SEC22A: variants seen among roughly 807,000 people sequenced by gnomAD.
SEC22A encodes SEC22 homolog A, vesicle trafficking protein, also known as vesicle-trafficking protein SEC22a.
In SEC22A, 22 loss-of-function variants were observed where a neutral mutation model predicts 35.3. That is an observed-to-expected ratio of 0.62 (90% confidence interval 0.45 to 0.89). The LOEUF (loss-of-function observed/expected upper bound fraction) is 0.89. Among genes scored for constraint, SEC22A ranks in the 40% least tolerant of loss-of-function variants. SEC22A has a pLI of 0.00. For synonymous variants in SEC22A, 119 were observed against 129.5 expected (o/e 0.92, Z 0.55); for missense variants, 354 against 362.5 (o/e 0.98, Z 0.19).
At chr3:123,255,192 G>A (rs1937699513) in intron 5 of SEC22A, among the ~76,000 whole-genome samples, 1 of 152,144 alleles carries the variant, frequency 6.6e-6, no homozygotes, top group Non-Finnish European at 1.5e-5. Flanking sequence ...ACAAGTCACT[G>A]TTAATAGTTT....
At chr3:123,261,665 T>C (rs906804475) in intron 6 of SEC22A, among the ~76,000 whole-genome samples, 1 of 152,244 alleles carries the variant, frequency 6.6e-6, no homozygotes, top group Non-Finnish European at 1.5e-5. Flanking sequence ...TGCTTAGTAA[T>C]AATGGCAGAA....
chr3:123,210,787 C>T (rs765327382), intron 2 of SEC22A, among the ~76,000 whole-genome samples: 5 of 152,154 alleles, frequency 3.3e-5, no homozygotes, highest in Admixed American at 2.0e-4. Context: ...CAGAGGGCTT[C>T]GTTGTTGAGA....
intron 3 of SEC22A, 72 bp downstream of exon 3, chr3:123,223,794 G>A: frequency 2.9e-6 from 3 of 1,029,186 alleles, no homozygotes; most frequent in Non-Finnish European, 2.8e-6. Flanking sequence ...ATCTAATATT[G>A]GGTGGAGGGG....
chr3:123,226,412 G>T (rs928551228), intron 4 of SEC22A, among the ~76,000 whole-genome samples: 1 of 152,086 alleles, frequency 6.6e-6, no homozygotes, highest in Non-Finnish European at 1.5e-5. Flanking sequence ...ATGATGTCTC[G>T]TTGTAGTTTT....
intron 3 of SEC22A, among the ~76,000 whole-genome samples, chr3:123,224,111 C>T (rs936806865): frequency 1.3e-5 from 2 of 152,136 alleles, no homozygotes; most frequent in Admixed American, 6.5e-5. Context: ...CATATAGTCC[C>T]TGTCACAACT....
intron 2 of SEC22A, among the ~76,000 whole-genome samples, chr3:123,213,265 T>C (rs1358031024): frequency 6.6e-6 from 1 of 152,218 alleles, no homozygotes. Flanking sequence ...TGTTACCTTA[T>C]ATGACATTGA....
At chr3:123,225,395 A>G in intron 4 of SEC22A, 98 bp downstream of exon 4, 1 of 701,814 alleles carries the variant, frequency 1.4e-6, no homozygotes. Context: ...ATTTTAAATC[A>G]AGTACATGAG....
At chr3:123,232,830 A>G (rs1035280955) in intron 4 of SEC22A, among the ~76,000 whole-genome samples, 1 of 152,162 alleles carries the variant, frequency 6.6e-6, no homozygotes, top group Admixed American at 6.5e-5. Context: ...AACCCAATCC[A>G]GCAACGTATT....
intron 5 of SEC22A, among the ~76,000 whole-genome samples, chr3:123,257,425 G>A (rs956231070): frequency 7.9e-5 from 12 of 152,144 alleles, no homozygotes; most frequent in Admixed American, 3.9e-4. Context: ...GGCCAGGCAC[G>A]GTGGCTCACG....
rs568993366 is a variant in SEC22A at position 123,272,039 on chromosome 3, A to C, written c.*317A>C. Reference sequence around the variant, plus strand: ...CCTTCCTGAAGAGTTCAGAAAATAGATGTGGTATTGCTCTGAGGACCAGGC... The same window carrying C: ...CCTTCCTGAAGAGTTCAGAAAATAGCTGTGGTATTGCTCTGAGGACCAGGC... On this transcript the variant is annotated 3_prime_UTR_variant, in exon 7 of 7. Transcript: ENST00000492595. The C allele has an allele frequency of 3.1e-6, 1 of 321,188 alleles. No individual in the cohort carries two copies. Among genetic ancestry groups the C allele is most frequent in the Non-Finnish European group, 5.8e-6 (1 of 173,144 alleles). 19.9% of individuals were successfully genotyped at this position (321,188 alleles called of 1,614,324 possible).
intron 4 of SEC22A, among the ~76,000 whole-genome samples, chr3:123,240,757 C>G (rs1338994442): frequency 2.0e-5 from 3 of 152,034 alleles, no homozygotes; most frequent in Non-Finnish European, 4.4e-5. Context: ...TTTGATTACT[C>G]AACATCTTCA....
intron 4 of SEC22A, among the ~76,000 whole-genome samples, chr3:123,234,975 A>T (rs1390975818): frequency 6.6e-6 from 1 of 151,734 alleles, no homozygotes; most frequent in Admixed American, 6.6e-5. Flanking sequence ...GTGAGCTGAG[A>T]TCGTGCCACT....
chr3:123,226,728 A>G (rs537612820), intron 4 of SEC22A, among the ~76,000 whole-genome samples: 9 of 152,148 alleles, frequency 5.9e-5, no homozygotes, highest in South Asian at 2.1e-4. Flanking sequence ...ATATAATGCA[A>G]TTTGTCCACT....
chr3:123,234,771 C>T (rs1937386735), intron 4 of SEC22A, among the ~76,000 whole-genome samples: 1 of 152,046 alleles, frequency 6.6e-6, no homozygotes, highest in Admixed American at 6.6e-5. Context: ...GCCTGTAATC[C>T]CAGCACTTTG....
intron 5 of SEC22A, among the ~76,000 whole-genome samples, chr3:123,248,583 A>G (rs1467944387): frequency 6.6e-6 from 1 of 152,266 alleles, no homozygotes; most frequent in Non-Finnish European, 1.5e-5. Flanking sequence ...AAATCAAAGA[A>G]GATCTAAATA....
chr3:123,220,156 G>C (rs780242610), intron 2 of SEC22A, among the ~76,000 whole-genome samples: 2 of 152,178 alleles, frequency 1.3e-5, no homozygotes, highest in African/African-American at 4.8e-5. Context: ...GGGATAAACT[G>C]TCATGTAGGT....
chr3:123,205,444 T>G (rs1021571024), intron 1 of SEC22A, among the ~76,000 whole-genome samples: 5 of 152,152 alleles, frequency 3.3e-5, no homozygotes, highest in Non-Finnish European at 1.5e-5. Context: ...ATCCCAGCAC[T>G]TTGTGAGGCC....
At position 123,271,876 on chromosome 3, in the gene SEC22A, TG is replaced by T; in HGVS notation, c.*155del. ...TTTTAAAATCAGCATGATGTGCCTGTGAGCATGGAAGAGTCCTCTCAGAAGA... is the reference window on the plus strand; with the variant it reads ...TTTTAAAATCAGCATGATGTGCCTGTAGCATGGAAGAGTCCTCTCAGAAGA... On this transcript the variant is annotated 3_prime_UTR_variant, in exon 7 of 7. Transcript: ENST00000492595. 1 of 625,496 alleles carries T rather than the reference TG, an allele frequency of 1.6e-6. No homozygotes were observed. Among genetic ancestry groups the T allele is most frequent in the Non-Finnish European group, 2.7e-6 (1 of 367,202 alleles). The allele number at this position is 625,496 out of a possible 1,614,324, so 38.7% of individuals were successfully genotyped here.
chr3:123,241,036 CA>C (rs1937515453), intron 4 of SEC22A, among the ~76,000 whole-genome samples: 1 of 149,398 alleles, frequency 6.7e-6, no homozygotes, highest in South Asian at 2.1e-4. Context: ...CACACACACA[CA>C]CACACATCCC....
Sources: allele counts gnomAD v4.1 joint callset (sites outside exome capture counted in the v4.1 genomes callset), GRCh38; gene constraint gnomAD v4.1.1; transcripts MANE v1.5; gene names NCBI Gene and HGNC (gene_info 2026-07-23, HGNC 2026-07-21).